The following RHBDL3 variants were observed in gnomAD, a reference collection of about 807,000 sequenced individuals.
The protein encoded by RHBDL3 is rhomboid-related protein 3.
In RHBDL3, 28 loss-of-function variants were observed where a neutral mutation model predicts 48.2. That is an observed-to-expected ratio of 0.58 (90% CI 0.43 to 0.80). RHBDL3 has a LOEUF of 0.80. Ranked by LOEUF, RHBDL3 falls within the 30% of genes least tolerant of loss-of-function variation. The pLI is 0.00. For synonymous variants in RHBDL3, 208 were observed against 232.3 expected (o/e 0.90, Z 0.95); for missense variants, 464 against 542.7 (o/e 0.85, Z 1.44).
At chr17:32,290,843 A>G (rs1349794490) in intron 4 of RHBDL3, among the ~76,000 whole-genome samples, 1 of 151,974 alleles carries the variant, frequency 6.6e-6, no homozygotes, top group Non-Finnish European at 1.5e-5. Flanking sequence ...TCTACAAAAT[A>G]TCAAAAAATT....
intron 6 of RHBDL3, among the ~76,000 whole-genome samples, chr17:32,301,821 CAA>C (rs946768436): frequency 7.4e-6 from 1 of 134,920 alleles, no homozygotes; most frequent in African/African-American, 2.7e-5. Context: ...AACTCTGCCT[CAA>C]AAAAAAAAAG....
intron 8 of RHBDL3, 63 bp from the exon 9 acceptor site, chr17:32,320,895 T>A: frequency 8.4e-7 from 1 of 1,192,194 alleles, no homozygotes; most frequent in Non-Finnish European, 1.2e-6. Flanking sequence ...GGTGATGAAG[T>A]GAAGGCCCTC....
chr17:32,281,205 T>C (rs1319228358), intron 2 of RHBDL3, among the ~76,000 whole-genome samples: 1 of 152,056 alleles, frequency 6.6e-6, no homozygotes, highest in Non-Finnish European at 1.5e-5. Context: ...AGGCAGGCCC[T>C]GGTGGGGGTG....
In RHBDL3 at chr17:32,294,439, C is replaced by T. The variant is rs533828319; in HGVS notation, c.665C>T (p.Ala222Val). ...WRYLTYIFMH[A>V]GIEHLGLNVV... ...TACCTGACATACATCTTCATGCATG[C>T]AGGGTGAGTACCTGTCTTCTTTTGC... The change falls in exon 5 of 9, where the codon GCA becomes GTA. Residue 222 changes from alanine to valine, a missense_variant. Ala to Val is a moderately conservative substitution (Grantham distance 64). Coordinates refer to ENST00000269051, the MANE Select transcript of RHBDL3 (RefSeq NM_138328.3). 1.5e-5 allele frequency: 24 copies of T among 1,613,452 alleles called. No individual in the cohort carries two copies. The highest frequency in any genetic ancestry group is 2.0e-5 in the Non-Finnish European group (24 of 1,179,728).
chr17:32,306,180 T>C (rs1250564354), intron 7 of RHBDL3, among the ~76,000 whole-genome samples: 1 of 151,958 alleles, frequency 6.6e-6, no homozygotes, highest in Non-Finnish European at 1.5e-5. Context: ...TCCCAGCACT[T>C]TGGGAGGCCA....
intron 4 of RHBDL3, among the ~76,000 whole-genome samples, 194 bp downstream of exon 4, chr17:32,289,210 G>C (rs111574424): frequency 0.016 from 2,494 of 152,268 alleles, 65 homozygotes; most frequent in African/African-American, 0.057. Flanking sequence ...TGTTGTAACC[G>C]TGGACTGCAA....
intron 2 of RHBDL3, among the ~76,000 whole-genome samples, chr17:32,272,676 C>T (rs574091843): frequency 2.2e-4 from 33 of 152,242 alleles, no homozygotes; most frequent in Non-Finnish European, 8.8e-5. Flanking sequence ...GCTATACTGA[C>T]ATTAACCCTT....
intron 4 of RHBDL3, 23 bp downstream of exon 4, chr17:32,289,039 G>T (rs1357504433): frequency 6.2e-7 from 1 of 1,607,328 alleles, no homozygotes; most frequent in East Asian, 2.2e-5. Flanking sequence ...GTGGGGAGGG[G>T]GTTGCTCTGC....
rs1382229773 is a variant in RHBDL3, at chr17:32,288,862, C to T, written c.365C>T (p.Ala122Val). 6.2e-7 allele frequency: 1 copy of T among 1,614,162 alleles called. No homozygotes were observed. The highest frequency in any genetic ancestry group is 8.5e-7 in the Non-Finnish European group (1 of 1,180,032). Residue 122 changes from alanine (A) to valine (V), a missense_variant, in exon 4 of 9, where the codon GCC becomes GTC. Physicochemically the swap from Ala to Val is moderately conservative, Grantham distance 64. Transcript: ENST00000269051. ...GGCAACCGCAGGCTAAGCAGCAAGG[C>T]CCTGCTGGAGGAGAAGGGGCTGAGC... is the stretch of plus-strand genomic sequence containing the variant. The part of the protein sequence containing the change: ...LQGNRRLSSK[A>V]LLEEKGLSLS...
intron 1 of RHBDL3, among the ~76,000 whole-genome samples, chr17:32,267,188 G>C (rs978836558): frequency 6.6e-5 from 10 of 152,132 alleles, no homozygotes; most frequent in Admixed American, 5.2e-4. Context: ...AATGGGGTTG[G>C]GGGGTAGTTT....
intron 8 of RHBDL3, among the ~76,000 whole-genome samples, chr17:32,317,877 T>C (rs2041013785): frequency 6.6e-6 from 1 of 151,996 alleles, no homozygotes; most frequent in Non-Finnish European, 1.5e-5. Context: ...GCCAAAGGGC[T>C]CTTTCTGAGA....
intron 2 of RHBDL3, among the ~76,000 whole-genome samples, chr17:32,273,399 C>T (rs1376203912): frequency 6.6e-6 from 1 of 152,214 alleles, no homozygotes; most frequent in Non-Finnish European, 1.5e-5. Flanking sequence ...CCCAACCCTG[C>T]TTTCTATCTG....
chr17:32,317,180 AT>A (rs2040996499), intron 8 of RHBDL3, among the ~76,000 whole-genome samples: 1 of 151,970 alleles, frequency 6.6e-6, no homozygotes, highest in Non-Finnish European at 1.5e-5. Context: ...GCCCCAGCCT[AT>A]TTTTTCATCT....
At chr17:32,274,642 A>G (rs548801780) in intron 2 of RHBDL3, among the ~76,000 whole-genome samples, 5 of 152,236 alleles carry the variant, frequency 3.3e-5, no homozygotes, top group South Asian at 2.1e-4. Context: ...AGAGGGGAGG[A>G]TGGTTTGCTT....
intron 8 of RHBDL3, among the ~76,000 whole-genome samples, chr17:32,316,626 C>T (rs2040981278): frequency 6.6e-6 from 1 of 151,758 alleles, no homozygotes; most frequent in Non-Finnish European, 1.5e-5. Flanking sequence ...TCCGGTGATC[C>T]TCCCTCTTCA....
Position 32,321,181 on chromosome 17 carries a change from C to G in RHBDL3, c.1167C>G (p.Asn389Lys). The change falls in exon 9 of 9, where the codon AAC (asparagine) becomes AAG (lysine). Residue 389 changes from asparagine (N) to lysine (K), a missense_variant. By Grantham distance (94) the Asn-to-Lys change is moderately conservative. Coordinates refer to ENST00000269051, the MANE Select transcript of RHBDL3 (RefSeq NM_138328.3). ...TVFVLFAVFW[N>K]IFAYTLLDLK... The stretch of plus-strand genomic sequence containing the variant: ...TCGTGCTGTTCGCTGTCTTCTGGAA[C>G]ATCTTTGCCTACACCCTGCTGGACT... 1 of 1,614,190 alleles carries G rather than the reference C, an allele frequency of 6.2e-7. No individual in the cohort carries two copies. The highest frequency in any genetic ancestry group is 8.5e-7 in the Non-Finnish European group (1 of 1,180,002).
chr17:32,312,817 C>T (rs2040876570), intron 7 of RHBDL3, among the ~76,000 whole-genome samples: 1 of 151,956 alleles, frequency 6.6e-6, no homozygotes, highest in South Asian at 2.1e-4. Context: ...CACACCTGGC[C>T]TGTTGTTTTT....
rs2041147451 is a variant in RHBDL3 at position 32,322,095 on chromosome 17, T to C, written c.*866T>C. The C allele has an allele frequency of 6.5e-6, 1 of 152,982 alleles. No individual in the cohort carries two copies. Among genetic ancestry groups the C allele is most frequent in the Admixed American group, 6.5e-5 (1 of 15,304 alleles). 9.5% of individuals were successfully genotyped at this position (152,982 alleles called of 1,614,324 possible). ...ACTACTTTGTGCCTCTCTTTGGTTATGGAGACAGTGTTTTGAAACATTCAT... is the reference window on the plus strand; with the variant it reads ...ACTACTTTGTGCCTCTCTTTGGTTACGGAGACAGTGTTTTGAAACATTCAT... On this transcript the variant is annotated 3_prime_UTR_variant, in exon 9 of 9. Transcript: ENST00000269051.
intron 5 of RHBDL3, 46 bp from the exon 6 acceptor site, chr17:32,298,046 G>A: frequency 7.7e-7 from 1 of 1,305,258 alleles, no homozygotes; most frequent in Non-Finnish European, 1.1e-6. Flanking sequence ...ATGAATGAAT[G>A]AATGAATGAA....
Sources: gnomAD v4.1 joint callset for allele counts (sites outside exome capture counted in the v4.1 genomes callset) on GRCh38, gnomAD v4.1.1 for gene constraint, MANE v1.5 for transcripts, NCBI Gene and HGNC (gene_info 2026-07-23, HGNC 2026-07-21) for gene names.